The following NEMF variants were observed in gnomAD, a reference collection of about 807,000 sequenced individuals.
NEMF encodes the protein ribosome quality control complex subunit NEMF.
Under a neutral mutation model 162.2 loss-of-function variants are expected in NEMF, and 89 were observed. The ratio of observed to expected loss-of-function variants is 0.55; its 90% CI spans 0.46 to 0.65. NEMF has a LOEUF of 0.65. Among genes scored for constraint, NEMF ranks in the 30% least tolerant of loss-of-function variants. The probability of loss-of-function intolerance (pLI) is 0.00; values close to 1 mark genes in which losing one functional copy is unlikely to be tolerated. For synonymous variants in NEMF, 421 were observed against 404.5 expected, an observed-to-expected ratio of 1.04 and a Z score of -0.49; for missense variants, 1,133 against 1,261.9, an observed-to-expected ratio of 0.90 and a Z score of 1.55.
chr14:49,838,651 C>G (rs1451807437), intron 5 of NEMF, among the ~76,000 whole-genome samples: 2 of 146,468 alleles, frequency 1.4e-5, no homozygotes, highest in Admixed American at 6.9e-5. Context: ...GTGGCACGAT[C>G]TCGGCTCGCT....
intron 16 of NEMF, among the ~76,000 whole-genome samples, chr14:49,820,669 C>T (rs987940438): frequency 6.6e-6 from 1 of 152,136 alleles, no homozygotes; most frequent in Non-Finnish European, 1.5e-5. Flanking sequence ...TCATGCCGAG[C>T]CAAAGCTGGA....
intron 23 of NEMF, 147 bp downstream of exon 23, chr14:49,800,273 C>T: frequency 2.8e-6 from 2 of 713,148 alleles, no homozygotes; most frequent in Non-Finnish European, 4.5e-6. Context: ...AATTTCTTTG[C>T]AGAGAGACCC....
intron 19 of NEMF, among the ~76,000 whole-genome samples, chr14:49,804,023 G>C (rs908864659): frequency 1.1e-4 from 10 of 90,918 alleles, no homozygotes; most frequent in African/African-American, 4.2e-4. Context: ...TTTTTTTTTT[G>C]AGACAGAGTC....
At position 49,806,252 on chromosome 14, in the gene NEMF, ATATATTTTTTTTT is replaced by A. The variant is rs1230885506; in HGVS notation, c.1745-132_1745-120del. On this transcript the variant is annotated intron_variant, in intron 18 of 32. Transcript: ENST00000298310. ...TATGTGTATATATATATATATATATATATATTTTTTTTTTTTTTTTTTTTTTTGAGATGGAGTT... is the reference window on the plus strand; with the variant it reads ...TATGTGTATATATATATATATATATATTTTTTTTTTTTTTGAGATGGAGTT... 3.0e-3 allele frequency: 50 copies of A among 16,748 alleles called. No individual in the cohort carries two copies. In the East Asian group the frequency reaches 0.068, roughly 23 times the overall value. 1.0% of individuals were successfully genotyped at this position (16,748 alleles called of 1,614,324 possible). A position where few individuals can be genotyped will look rare whatever the true frequency, so the allele number is the denominator to read the frequency against.
Position 49,800,777 on chromosome 14 carries a change from C to A in NEMF, c.2096-81G>T, listed in dbSNP as rs1158662310. ...TTCCTAAAAATGTCATAAAAATATT[C>A]CACTGTTTCTCCCATATTTCTCCAA... On this transcript the variant is annotated intron_variant, in intron 22 of 32. Transcript: ENST00000298310. 11 of 1,306,558 alleles carry A rather than the reference C, an allele frequency of 8.4e-6. No homozygotes were observed. The East Asian group carries it at 2.3e-4, about 27-fold the overall frequency. The allele number at this position is 1,306,558 out of a possible 1,614,324, so 80.9% of individuals were successfully genotyped here. A position where few individuals can be genotyped will look rare whatever the true frequency, so the allele number is the denominator to read the frequency against.
At chr14:49,828,136 G>A (rs1030207296) in intron 15 of NEMF, among the ~76,000 whole-genome samples, 155 bp downstream of exon 15, 5 of 152,058 alleles carry the variant, frequency 3.3e-5, no homozygotes, top group Non-Finnish European at 5.9e-5. Context: ...CAGTCCTGGG[G>A]GGAAAAAATA....
intron 4 of NEMF, among the ~76,000 whole-genome samples, chr14:49,841,829 G>A (rs1429608933): frequency 1.3e-5 from 2 of 152,120 alleles, no homozygotes; most frequent in African/African-American, 4.8e-5. Flanking sequence ...TGAATGGCTG[G>A]GCGCAGTGGC....
At chr14:49,814,668 G>A in intron 17 of NEMF, 86 bp downstream of exon 17, 1 of 664,664 alleles carries the variant, frequency 1.5e-6, no homozygotes, top group Non-Finnish European at 2.6e-6. Flanking sequence ...AAACAGAAGA[G>A]TATAACAAGA....
rs757298499 is a variant in NEMF, at chr14:49,784,672, C to T, written c.3195G>A (p.Val1065=). ...LSRNIPGKVK[V]SAPNLLNVKR... is the part of the protein sequence containing the mutation. ...TTACGTTCAGAAGATTGGGTGCAGA[C>T]ACTTTCACTTTGCCAGGAATGTTTC... Residue 1065 remains valine (V), a synonymous_variant, in exon 33 of 33, where the codon GTG becomes GTA. Coordinates refer to ENST00000298310, the MANE Select transcript of NEMF (RefSeq NM_004713.6). 6.2e-7 allele frequency: 1 copy of T among 1,612,266 alleles called. No homozygotes were observed. Among genetic ancestry groups the T allele is most frequent in the Admixed American group, 1.7e-5 (1 of 59,832 alleles).
intron 18 of NEMF, among the ~76,000 whole-genome samples, chr14:49,813,723 A>G (rs1891589620): frequency 6.7e-6 from 1 of 150,232 alleles, no homozygotes. Context: ...CTCCCACCTC[A>G]GCTTTCTGTA....
chr14:49,807,984 G>A lies in NEMF; in HGVS notation c.1745-1851C>T, dbSNP rs188439488. ...TTTCATGTGATTGTTGGCCATTCAC[G>A]TATCTTTGCAGAAATATCCATTCAA... On this transcript the variant is annotated intron_variant, in intron 18 of 32. Transcript: ENST00000298310. Among the ~76,000 whole-genome samples, 11 of 152,098 alleles carry A rather than the reference G, an allele frequency of 7.2e-5. No individual in the cohort carries two copies. In the East Asian group the frequency reaches 1.5e-3, roughly 21 times the overall value.
chr14:49,817,126 A>G (rs1891752530), intron 16 of NEMF, among the ~76,000 whole-genome samples: 2 of 152,328 alleles, frequency 1.3e-5, no homozygotes, highest in Admixed American at 1.3e-4. Flanking sequence ...AAATATAAGG[A>G]TGGAAAGGTT....
chr14:49,798,087 G>A (rs549333793), intron 25 of NEMF, among the ~76,000 whole-genome samples: 4 of 152,336 alleles, frequency 2.6e-5, no homozygotes, highest in African/African-American at 9.6e-5. Context: ...TGACCTGCCA[G>A]GATAGGCTCT....
intron 20 of NEMF, 129 bp downstream of exon 20, chr14:49,803,108 T>A: frequency 2.9e-6 from 2 of 701,322 alleles, no homozygotes; most frequent in Non-Finnish European, 4.7e-6. Context: ...ATTTCTTTAC[T>A]TCATAGCAGA....
chr14:49,785,360 C>T (rs578083159), intron 29 of NEMF, 40 bp from the exon 30 acceptor site: 18 of 1,389,694 alleles, frequency 1.3e-5, no homozygotes, highest in East Asian at 9.1e-5. Context: ...CAATTTATAC[C>T]GCCCTTTACA....
chr14:49,800,325 G>T, intron 23 of NEMF, 95 bp downstream of exon 23: 1 of 937,534 alleles, frequency 1.1e-6, no homozygotes, highest in Non-Finnish European at 1.6e-6. Flanking sequence ...GAGTGTAAAA[G>T]TACTGATGTC....
At chr14:49,812,183 G>A (rs1891511004) in intron 18 of NEMF, among the ~76,000 whole-genome samples, 1 of 151,956 alleles carries the variant, frequency 6.6e-6, no homozygotes, top group South Asian at 2.1e-4. Flanking sequence ...TTTCATCTAG[G>A]TTACATAATC....
At chr14:49,787,171 A>G (rs957632181) in intron 28 of NEMF, 1 of 164,860 alleles carries the variant, frequency 6.1e-6, no homozygotes. Flanking sequence ...TTTTGGATAA[A>G]TTTTTCCCAT....
intron 16 of NEMF, among the ~76,000 whole-genome samples, chr14:49,817,798 A>G (rs1464588566): frequency 6.6e-6 from 1 of 152,226 alleles, no homozygotes; most frequent in African/African-American, 2.4e-5. Context: ...TTTACTAAAT[A>G]ATTTGAATCT....
Sources: gnomAD v4.1 joint callset for allele counts (sites outside exome capture counted in the v4.1 genomes callset) on GRCh38, gnomAD v4.1.1 for gene constraint, MANE v1.5 for transcripts, NCBI Gene and HGNC (gene_info 2026-07-23, HGNC 2026-07-21) for gene names.